The following ZDHHC14 variants were observed in gnomAD, a reference collection of about 807,000 sequenced individuals.
The protein encoded by ZDHHC14 is palmitoyltransferase ZDHHC14.
In ZDHHC14, 16 loss-of-function variants were observed where a neutral mutation model predicts 47.7. The observed-to-expected ratio is 0.34, with a 90% CI of 0.23 to 0.51. The LOEUF (loss-of-function observed/expected upper bound fraction) is 0.51, where lower values mean the gene tolerates loss of function less well. ZDHHC14 is among the 20% of genes least tolerant of loss of function. The probability of loss-of-function intolerance (pLI) is 0.97; values close to 1 mark genes in which losing one functional copy is unlikely to be tolerated. For synonymous variants in ZDHHC14, 293 were observed against 278.9 expected (o/e 1.05, Z -0.50); for missense variants, 515 against 662.5 (o/e 0.78, Z 2.44).
chr6:157,593,368 C>T (rs1783994935), intron 3 of ZDHHC14, among the ~76,000 whole-genome samples: 1 of 152,208 alleles, frequency 6.6e-6, no homozygotes, highest in Non-Finnish European at 1.5e-5. Context: ...CCAGCACAGG[C>T]ACGAGAATGG....
chr6:157,561,505 G>A (rs1026734641), intron 2 of ZDHHC14, among the ~76,000 whole-genome samples: 2 of 152,138 alleles, frequency 1.3e-5, no homozygotes, highest in Non-Finnish European at 2.9e-5. Flanking sequence ...TCCGACGGGC[G>A]CGCATGTGAG....
chr6:157,424,111 A>G (rs937351909), intron 1 of ZDHHC14, among the ~76,000 whole-genome samples: 3 of 152,202 alleles, frequency 2.0e-5, no homozygotes, highest in Non-Finnish European at 4.4e-5. Context: ...TTTTCATATC[A>G]AACAACACAT....
chr6:157,441,522 C>G (rs1457379782), intron 1 of ZDHHC14, among the ~76,000 whole-genome samples: 1 of 152,022 alleles, frequency 6.6e-6, no homozygotes, highest in Non-Finnish European at 1.5e-5. Context: ...GCTTCTTGAA[C>G]AAAAAAGAAA....
chr6:157,627,533 AGATGTCCAGGTGAGAGG>A (rs1229502456), intron 3 of ZDHHC14, among the ~76,000 whole-genome samples: 1 of 152,264 alleles, frequency 6.6e-6, no homozygotes, highest in African/African-American at 2.4e-5. Flanking sequence ...CTTTGTGTGC[AGATGTCCAGGTGAGAGG>A]CCTGGGGTCT....
At chr6:157,451,378 C>A (rs1474922) in intron 1 of ZDHHC14, among the ~76,000 whole-genome samples, 140,704 of 152,286 alleles carry the variant, frequency 0.92, 65,150 homozygotes, top group East Asian at 1. Context: ...TTAAAAGCAG[C>A]GTCATCCTAA....
At chr6:157,590,149 C>T (rs973400979) in intron 2 of ZDHHC14, among the ~76,000 whole-genome samples, 23 of 152,068 alleles carry the variant, frequency 1.5e-4, no homozygotes, top group Admixed American at 1.3e-4. Context: ...AGAGCATAAA[C>T]GTTTGGAAAA....
At chr6:157,456,506 C>T (rs368367111) in intron 1 of ZDHHC14, among the ~76,000 whole-genome samples, 49 of 152,226 alleles carry the variant, frequency 3.2e-4, no homozygotes, top group African/African-American at 1.1e-3. Context: ...CGGCACTCAG[C>T]GCTGTTAGGG....
At chr6:157,384,453 CTG>C (rs1777273359) in intron 1 of ZDHHC14, among the ~76,000 whole-genome samples, 1 of 152,134 alleles carries the variant, frequency 6.6e-6, no homozygotes, top group South Asian at 2.1e-4. Flanking sequence ...TAACTGATGA[CTG>C]TAGGAATAAA....
At chr6:157,667,454 G>A (rs908803232) in intron 8 of ZDHHC14, among the ~76,000 whole-genome samples, 3 of 152,002 alleles carry the variant, frequency 2.0e-5, no homozygotes, top group Non-Finnish European at 2.9e-5. Flanking sequence ...AGGTAGAAAG[G>A]AAGAAACAAA....
At chr6:157,608,363 G>A (rs1447983294) in intron 3 of ZDHHC14, among the ~76,000 whole-genome samples, 2 of 152,170 alleles carry the variant, frequency 1.3e-5, no homozygotes, top group Non-Finnish European at 2.9e-5. Context: ...TACCCACCGA[G>A]AAGCACAGGT....
At chr6:157,432,770 C>A (rs906238507) in intron 1 of ZDHHC14, among the ~76,000 whole-genome samples, 2 of 152,188 alleles carry the variant, frequency 1.3e-5, no homozygotes, top group African/African-American at 4.8e-5. Context: ...CTGACACGAG[C>A]CACCTGTTTC....
intron 1 of ZDHHC14, 58 bp downstream of exon 1, chr6:157,382,324 G>C (rs1777230618): frequency 1.3e-6 from 2 of 1,574,452 alleles, no homozygotes; most frequent in Non-Finnish European, 1.7e-6. Flanking sequence ...CCTGTCCCCC[G>C]CCCCTCCTCG....
At chr6:157,385,646 G>T (rs1478442967) in intron 1 of ZDHHC14, among the ~76,000 whole-genome samples, 1 of 152,238 alleles carries the variant, frequency 6.6e-6, no homozygotes, top group Non-Finnish European at 1.5e-5. Context: ...TTTAGCCCCT[G>T]GAGAAAGGCA....
At chr6:157,461,776 C>A (rs568258074) in intron 1 of ZDHHC14, among the ~76,000 whole-genome samples, 1 of 152,132 alleles carries the variant, frequency 6.6e-6, no homozygotes, top group Admixed American at 6.5e-5. Flanking sequence ...CTGTGGGGGA[C>A]GCCAGTTCCT....
At chr6:157,591,131 A>G (rs1783892228) in intron 2 of ZDHHC14, among the ~76,000 whole-genome samples, 1 of 152,240 alleles carries the variant, frequency 6.6e-6, no homozygotes, top group South Asian at 2.1e-4. Flanking sequence ...ACAGGCTTAT[A>G]GACAGAAGAA....
chr6:157,567,403 C>G (rs1302481294), intron 2 of ZDHHC14, among the ~76,000 whole-genome samples: 1 of 152,210 alleles, frequency 6.6e-6, no homozygotes, highest in Admixed American at 6.5e-5. Flanking sequence ...ATTCCTCACT[C>G]TAAGCACTTA....
intron 1 of ZDHHC14, among the ~76,000 whole-genome samples, chr6:157,519,850 C>T (rs1448591296): frequency 6.6e-6 from 1 of 152,178 alleles, no homozygotes; most frequent in East Asian, 1.9e-4. Flanking sequence ...CAGACCCGTC[C>T]CTACCCCAAG....
intron 1 of ZDHHC14, among the ~76,000 whole-genome samples, chr6:157,492,996 G>A (rs1779966289): frequency 6.6e-6 from 1 of 152,160 alleles, no homozygotes; most frequent in Non-Finnish European, 1.5e-5. Context: ...GGTCAGTATG[G>A]GGTGGGAAGC....
At chr6:157,393,660 C>T (rs2114737814) in intron 1 of ZDHHC14, among the ~76,000 whole-genome samples, 1 of 152,308 alleles carries the variant, frequency 6.6e-6, no homozygotes, top group Middle Eastern at 3.4e-3. Flanking sequence ...CCCTTTCTCT[C>T]ATAAGATCTC....
Sources: allele counts gnomAD v4.1 joint callset (sites outside exome capture counted in the v4.1 genomes callset), GRCh38; gene constraint gnomAD v4.1.1; transcripts MANE v1.5; gene names NCBI Gene and HGNC (gene_info 2026-07-23, HGNC 2026-07-21).